Variants in PABPC1L observed in about 807,000 individuals in gnomAD.
PABPC1L encodes the protein polyadenylate-binding protein 1-like.
PABPC1L carries 31 observed loss-of-function variants against 66.6 expected under a neutral mutation model. That is an observed-to-expected ratio of 0.47 (90% confidence interval 0.35 to 0.63). The LOEUF is 0.63. Among genes scored for constraint, PABPC1L ranks in the 20% least tolerant of loss-of-function variants. The pLI is 0.00. For synonymous variants in PABPC1L, 348 were observed against 335.1 expected (o/e 1.04, Z -0.42); for missense variants, 722 against 848.8 (o/e 0.85, Z 1.86).
Position 44,935,453 on chromosome 20 carries a change from C to T in PABPC1L, c.1522C>T (p.Leu508Phe). 3 of 1,614,222 alleles carry T rather than the reference C, an allele frequency of 1.9e-6. No individual in the cohort carries two copies. The highest frequency in any genetic ancestry group is 2.2e-5 in the South Asian group (2 of 91,088). ...GVGCCTPGRP[L>F]LPCKCSSAAH... is the part of the protein sequence containing the mutation. ...AGGATGCTGTACACCAGGCCGGCCG[C>T]TCCTGCCGTGCAAATGTTCCTCAGC... The change falls in exon 11 of 15, where the codon CTC becomes TTC. Residue 508 changes from leucine to phenylalanine, a missense_variant. Physicochemically the swap from Leu to Phe is conservative, Grantham distance 22 (BLOSUM62 0). Around this residue, in one of 3 missense-constraint regions of PABPC1L, gnomAD observed 301 missense variants for 337.2 expected, o/e 0.89. Coordinates refer to ENST00000217073, the MANE Select transcript of PABPC1L (RefSeq NM_001372179.1).
At chr20:44,915,856 G>C (rs1256545319) in intron 2 of PABPC1L, among the ~76,000 whole-genome samples, 9 of 151,298 alleles carry the variant, frequency 5.9e-5, no homozygotes. Flanking sequence ...TTCATGTATT[G>C]GCAAAGTTTA....
intron 1 of PABPC1L, 97 bp from the exon 2 acceptor site, chr20:44,912,557 ACTTTCT>A: frequency 2.0e-6 from 2 of 996,922 alleles, no homozygotes; most frequent in Non-Finnish European, 2.9e-6. Context: ...CCAGACAATG[ACTTTCT>A]CTTTATTGGC....
chr20:44,910,091 C>T lies in PABPC1L; in HGVS notation c.-53C>T, dbSNP rs1346661386. 11 of 1,467,546 alleles carry T rather than the reference C, an allele frequency of 7.5e-6. No homozygotes were observed. The highest frequency in any genetic ancestry group is 1.0e-5 in the Non-Finnish European group (11 of 1,087,924). 90.9% of individuals were successfully genotyped at this position (1,467,546 alleles called of 1,614,324 possible). On this transcript the variant is annotated 5_prime_UTR_variant, in exon 1 of 15. Coordinates refer to ENST00000217073, the MANE Select transcript of PABPC1L (RefSeq NM_001372179.1). ...GGCTTCCGCCCGGGTGAGCGCGGGG[C>T]TGCTGGGTGACCCGGCTCCTGCTTG...
chr20:44,930,421 T>A (rs777313130), intron 7 of PABPC1L, 39 bp from the exon 8 acceptor site: 2 of 1,586,300 alleles, frequency 1.3e-6, no homozygotes, highest in Admixed American at 3.4e-5. Context: ...GGAGCCTTCC[T>A]TCCCCACCCC....
chr20:44,938,035 A>G, intron 12 of PABPC1L, 26 bp from the exon 13 acceptor site: 1 of 1,613,954 alleles, frequency 6.2e-7, no homozygotes, highest in East Asian at 2.2e-5. Flanking sequence ...GGCCGTGCAC[A>G]AGCCATTAGA....
At chr20:44,922,748 G>A (rs1032785097) in intron 6 of PABPC1L, among the ~76,000 whole-genome samples, 6 of 152,146 alleles carry the variant, frequency 3.9e-5, no homozygotes, top group Non-Finnish European at 5.9e-5. Context: ...CACAAAACAC[G>A]CACACATACT....
At position 44,933,107 on chromosome 20, in the gene PABPC1L, C is replaced by T. The variant is rs765124505; in HGVS notation, c.1381C>T (p.Arg461Cys). ...SMVRPPVVPR[R>C]PPAHISSVRQ... Reference sequence around the variant, plus strand: ...GGTCCGGCCACCAGTTGTGCCTCGGCGCCCCCCGGCCCACATCAGCAGTGT... The same window carrying T: ...GGTCCGGCCACCAGTTGTGCCTCGGTGCCCCCCGGCCCACATCAGCAGTGT... Residue 461 changes from arginine to cysteine, a missense_variant, in exon 10 of 15, where the codon CGC (arginine) becomes TGC (cysteine). Around this residue, in one of 3 missense-constraint regions of PABPC1L, gnomAD observed 301 missense variants for 337.2 expected, o/e 0.89. Transcript: ENST00000217073. The T allele has an allele frequency of 8.7e-6, 14 of 1,606,110 alleles. No homozygotes were observed. Among genetic ancestry groups the T allele is most frequent in the East Asian group, 6.7e-5 (3 of 44,604 alleles).
At position 44,938,164 on chromosome 20, in the gene PABPC1L, G is replaced by T. The variant is rs61736209; in HGVS notation, c.1764G>T (p.Leu588=). The T allele has an allele frequency of 1.3e-3, 2,074 of 1,614,138 alleles. 20 individuals carry two copies. The African/African-American group carries it at 0.025, about 19-fold the overall frequency. Residue 588 remains leucine, a synonymous_variant, in exon 13 of 15, where the codon CTG becomes CTT. Transcript: ENST00000217073. The stretch of plus-strand genomic sequence containing the variant: ...ACAACTCAGAGCTGTTGCTCATGCT[G>T]GAGTCTCCAGAATCCCTCCATGCCA... ...EIDNSELLLM[L]ESPESLHAKI...
rs2066756719 is a variant in PABPC1L, at chr20:44,919,153, TC to T, written c.644-26del. On this transcript the variant is annotated intron_variant, in intron 4 of 14. Transcript: ENST00000217073. ...GGGGTTTCCTGAGGACTTCCCAGAC[TC>T]CCCTTTGAGCCAGGTTGGTCCTTTG... 3.1e-6 allele frequency: 5 copies of T among 1,613,856 alleles called. No individual in the cohort carries two copies. In the East Asian group the frequency reaches 1.1e-4, roughly 36 times the overall value.
chr20:44,922,651 A>C (rs1184902452), intron 6 of PABPC1L, among the ~76,000 whole-genome samples: 6 of 152,168 alleles, frequency 3.9e-5, no homozygotes, highest in Non-Finnish European at 5.9e-5. Context: ...GATTACAGGC[A>C]TGAGCCACCA....
At chr20:44,919,519 A>C (rs76213847) in intron 5 of PABPC1L, among the ~76,000 whole-genome samples, 40 of 152,338 alleles carry the variant, frequency 2.6e-4, no homozygotes, top group African/African-American at 8.9e-4. Flanking sequence ...TGCAGAAGTC[A>C]TTATTATATA....
chr20:44,916,733 T>C, intron 2 of PABPC1L, 23 bp from the exon 3 acceptor site: 1 of 1,611,178 alleles, frequency 6.2e-7, no homozygotes, highest in Non-Finnish European at 8.5e-7. Context: ...GTACTCTTCC[T>C]GTCCTTCCTC....
At position 44,921,674 on chromosome 20, in the gene PABPC1L, G is replaced by A. The variant is rs2066774648; in HGVS notation, c.819G>A (p.Gln273=). The change falls in exon 6 of 15, where the codon CAG becomes CAA. Residue 273 remains glutamine, a synonymous_variant. Transcript: ENST00000217073. ...GGGCCCAAAAGCGCGTGGAGCGGCA[G>A]AATGAACTGAAGCGCAGGTTTGAGC... ...AGRAQKRVER[Q]NELKRRFEQM... 1 of 1,613,978 alleles carries A rather than the reference G, an allele frequency of 6.2e-7. No homozygotes were observed. The highest frequency in any genetic ancestry group is 8.5e-7 in the Non-Finnish European group (1 of 1,180,024).
At chr20:44,938,015 G>T (rs761528062) in intron 12 of PABPC1L, 46 bp from the exon 13 acceptor site, 8 of 1,611,770 alleles carry the variant, frequency 5.0e-6, no homozygotes, top group Non-Finnish European at 6.8e-6. Flanking sequence ...GGATGCTGGG[G>T]TGTGAGCTAG....
intron 7 of PABPC1L, among the ~76,000 whole-genome samples, chr20:44,929,237 G>C (rs2066833327): frequency 6.6e-6 from 1 of 152,036 alleles, no homozygotes; most frequent in Non-Finnish European, 1.5e-5. Context: ...ACTCCAGCCT[G>C]GATGACAGAG....
intron 3 of PABPC1L, among the ~76,000 whole-genome samples, chr20:44,917,819 GGTGGGCTTTTCCCA>G (rs2066747539): frequency 6.6e-6 from 1 of 152,108 alleles, no homozygotes; most frequent in Non-Finnish European, 1.5e-5. Context: ...AACAAATCTT[GGTGGGCTTTTCCCA>G]GTTCTCAGAA....
At chr20:44,923,753 G>A (rs889281234) in intron 6 of PABPC1L, among the ~76,000 whole-genome samples, 6 of 152,144 alleles carry the variant, frequency 3.9e-5, no homozygotes, top group African/African-American at 1.4e-4. Flanking sequence ...CAGCTCACCT[G>A]TGTTAGGGTT....
chr20:44,936,652 G>A lies in PABPC1L; in HGVS notation c.1582G>A (p.Val528Met), dbSNP rs1379788571. 1 of 1,600,968 alleles carries A rather than the reference G, an allele frequency of 6.2e-7. No individual in the cohort carries two copies. Among genetic ancestry groups the A allele is most frequent in the South Asian group, 1.1e-5 (1 of 88,028 alleles). Residue 528 changes from valine to methionine, a missense_variant, in exon 12 of 15, where the codon GTG (valine) becomes ATG (methionine). Physicochemically the swap from Val to Met is conservative, Grantham distance 21 (BLOSUM62 1). Coordinates refer to ENST00000217073, the MANE Select transcript of PABPC1L (RefSeq NM_001372179.1). Reference protein sequence around the residue: ...HSTYRVQEPAVHIPGQEPLTA... With the variant: ...HSTYRVQEPAMHIPGQEPLTA... ...CACCATGCAGGTCCAGGAGCCGGCT[G>A]TGCACATCCCAGGACAGGAGCCCCT...
chr20:44,930,396 G>A, intron 7 of PABPC1L, 64 bp from the exon 8 acceptor site: 3 of 1,557,206 alleles, frequency 1.9e-6, no homozygotes, highest in Non-Finnish European at 2.6e-6. Flanking sequence ...GGAGGAGGGA[G>A]GCAGCGCAGC....
Sources: gnomAD v4.1 joint callset for allele counts (sites outside exome capture counted in the v4.1 genomes callset) on GRCh38, gnomAD v4.1.1 for gene constraint, gnomAD v4.1.1 regional missense constraint, MANE v1.5 for transcripts, NCBI Gene and HGNC (gene_info 2026-07-23, HGNC 2026-07-21) for gene names.